Variants in SPOCK3 observed in about 807,000 individuals in gnomAD.
SPOCK3 encodes the protein testican-3.
In SPOCK3, 30 loss-of-function variants were observed where a neutral mutation model predicts 56.6. The observed-to-expected ratio is 0.53, with a 90% CI of 0.40 to 0.72. The LOEUF is 0.72. Ranked by LOEUF, SPOCK3 falls within the 30% of genes least tolerant of loss-of-function variation. The pLI is 0.00. For missense variants in SPOCK3, 527 were observed against 530.0 expected (o/e 0.99, Z 0.06); for synonymous variants, 196 against 183.3 (o/e 1.07, Z -0.56).
At chr4:166,895,187 T>C (rs1216122211) in intron 5 of SPOCK3, among the ~76,000 whole-genome samples, 1 of 152,096 alleles carries the variant, frequency 6.6e-6, no homozygotes, top group East Asian at 1.9e-4. Flanking sequence ...ATTGGTATGA[T>C]ACATATGATT....
At chr4:167,199,710 A>AATC (rs1284458225) in intron 2 of SPOCK3, among the ~76,000 whole-genome samples, 1 of 137,008 alleles carries the variant, frequency 7.3e-6, no homozygotes, top group East Asian at 2.0e-4. Flanking sequence ...TAATAATAAT[A>AATC]ATAATAATAA....
intron 6 of SPOCK3, among the ~76,000 whole-genome samples, chr4:166,797,937 A>C (rs1742137771): frequency 6.6e-6 from 1 of 152,168 alleles, no homozygotes; most frequent in Non-Finnish European, 1.5e-5. Flanking sequence ...ATGCTGCATA[A>C]CAATGTTTCG....
chr4:166,931,234 G>A (rs995602926), intron 4 of SPOCK3, among the ~76,000 whole-genome samples: 4 of 151,938 alleles, frequency 2.6e-5, no homozygotes, highest in Admixed American at 6.6e-5. Context: ...TGCCCACCTC[G>A]GCCTCTCAAA....
intron 2 of SPOCK3, among the ~76,000 whole-genome samples, chr4:167,208,174 A>G (rs1734532780): frequency 6.6e-6 from 1 of 152,054 alleles, no homozygotes; most frequent in African/African-American, 2.4e-5. Context: ...CCCTTAAAAT[A>G]TTTGTCTTTG....
chr4:166,797,296 T>TTTCTAAGTG (rs1742060115), intron 6 of SPOCK3, among the ~76,000 whole-genome samples: 1 of 132,224 alleles, frequency 7.6e-6, no homozygotes, highest in East Asian at 2.5e-4. Flanking sequence ...GAGTGCAATG[T>TTTCTAAGTG]TTCTAAGTGG....
intron 2 of SPOCK3, among the ~76,000 whole-genome samples, chr4:167,151,677 C>A (rs560866506): frequency 6.6e-6 from 1 of 151,984 alleles, no homozygotes; most frequent in East Asian, 1.9e-4. Flanking sequence ...CCTCGTGATC[C>A]GCCCGTCTCG....
intron 3 of SPOCK3, among the ~76,000 whole-genome samples, chr4:167,053,028 C>G (rs1480782574): frequency 6.6e-6 from 1 of 152,132 alleles, no homozygotes; most frequent in African/African-American, 2.4e-5. Context: ...ACAGCTTTTC[C>G]TTTGTAGCCA....
At chr4:166,742,224 GTCTA>G (rs113718211) in intron 8 of SPOCK3, among the ~76,000 whole-genome samples, 165 bp from the exon 9 acceptor site, 6,242 of 103,374 alleles carry the variant, frequency 0.06, 154 homozygotes, top group African/African-American at 0.072. Flanking sequence ...ACATACATGT[GTCTA>G]TCTATCATCT....
intron 6 of SPOCK3, among the ~76,000 whole-genome samples, chr4:166,837,321 T>C (rs1479525908): frequency 6.6e-6 from 1 of 152,136 alleles, no homozygotes; most frequent in Non-Finnish European, 1.5e-5. Flanking sequence ...ACCAATACCT[T>C]CTGGACTTGA....
intron 2 of SPOCK3, among the ~76,000 whole-genome samples, chr4:167,078,436 T>C (rs1757408247): frequency 6.6e-6 from 1 of 150,488 alleles, no homozygotes. Flanking sequence ...AGGTAAGTTG[T>C]CTAAGGTGAA....
intron 2 of SPOCK3, among the ~76,000 whole-genome samples, chr4:167,206,439 T>C (rs1400083137): frequency 6.6e-6 from 1 of 152,098 alleles, no homozygotes; most frequent in Non-Finnish European, 1.5e-5. Flanking sequence ...GCAAACAAAA[T>C]TTAATGAATT....
intron 2 of SPOCK3, among the ~76,000 whole-genome samples, chr4:167,163,632 T>C (rs1765512661): frequency 6.6e-6 from 1 of 150,438 alleles, no homozygotes; most frequent in South Asian, 2.2e-4. Flanking sequence ...CCTATCTCCA[T>C]GAGTTCAATT....
intron 7 of SPOCK3, among the ~76,000 whole-genome samples, chr4:166,780,280 T>G (rs901502650): frequency 6.6e-6 from 1 of 152,114 alleles, no homozygotes; most frequent in African/African-American, 2.4e-5. Context: ...AAAATTCAAT[T>G]TATATTTTCA....
chr4:167,229,137 G>T (rs1029674506), intron 2 of SPOCK3, among the ~76,000 whole-genome samples: 2 of 152,092 alleles, frequency 1.3e-5, no homozygotes, highest in African/African-American at 4.8e-5. Flanking sequence ...ATTTTCATAA[G>T]AATTGGATAT....
At position 166,934,458 on chromosome 4, in the gene SPOCK3, A is replaced by G. The variant is rs549739338; in HGVS notation, c.351-21715T>C. On this transcript the variant is annotated intron_variant, in intron 4 of 10. Transcript: ENST00000357545. ...GCTTGCAGTGAGCCGAGATCGCGCC[A>G]CTGCGCTTCAGCCTGGGCGACAGAG... 4.6e-5 allele frequency among the ~76,000 whole-genome samples: 7 copies of G among 152,194 alleles called. No homozygotes were observed. The South Asian group carries it at 1.5e-3, about 32-fold the overall frequency.
At chr4:166,954,827 G>C (rs867601621) in intron 4 of SPOCK3, among the ~76,000 whole-genome samples, 62 of 152,176 alleles carry the variant, frequency 4.1e-4, no homozygotes, top group African/African-American at 1.4e-3. Context: ...TCCCCCACCC[G>C]CAGGTCCAGG....
chr4:166,802,807 A>G (rs556519331), intron 6 of SPOCK3, among the ~76,000 whole-genome samples: 4 of 151,912 alleles, frequency 2.6e-5, no homozygotes, highest in African/African-American at 9.7e-5. Flanking sequence ...ACACATACAT[A>G]TGTGTGTGTG....
chr4:167,226,831 C>T (rs1198570658), intron 2 of SPOCK3, among the ~76,000 whole-genome samples: 2 of 151,978 alleles, frequency 1.3e-5, no homozygotes, highest in Non-Finnish European at 2.9e-5. Context: ...CCTGGACACC[C>T]GTTTCTTGAT....
intron 2 of SPOCK3, among the ~76,000 whole-genome samples, chr4:167,110,939 A>G (rs1760850409): frequency 6.6e-6 from 1 of 151,988 alleles, no homozygotes; most frequent in African/African-American, 2.4e-5. Flanking sequence ...TTGAAAATAT[A>G]ATCATCAAGG....
Sources: gnomAD v4.1 joint callset for allele counts (sites outside exome capture counted in the v4.1 genomes callset) on GRCh38, gnomAD v4.1.1 for gene constraint, MANE v1.5 for transcripts, NCBI Gene and HGNC (gene_info 2026-07-23, HGNC 2026-07-21) for gene names.